The following KCNK2 variants were observed in gnomAD, a reference collection of about 807,000 sequenced individuals.
KCNK2 encodes the protein potassium two pore domain channel subfamily K member 2, also known as potassium channel subfamily K member 2.
Under a neutral mutation model 40.5 loss-of-function variants are expected in KCNK2, and 21 were observed. The observed-to-expected ratio is 0.52, with a 90% CI of 0.37 to 0.75. The LOEUF is 0.75. KCNK2 is among the 30% of genes least tolerant of loss of function. The pLI is 0.00. For missense variants in KCNK2, 399 were observed against 531.6 expected (o/e 0.75, Z 2.45); for synonymous variants, 191 against 202.2 (o/e 0.94, Z 0.47).
intron 1 of KCNK2, among the ~76,000 whole-genome samples, chr1:215,070,564 G>T (rs1298250769): frequency 2.0e-5 from 3 of 152,114 alleles, no homozygotes; most frequent in Non-Finnish European, 4.4e-5. Context: ...GAGAGCTTGT[G>T]CAGGGGAGCT....
intron 4 of KCNK2, 84 bp from the exon 5 acceptor site, chr1:215,171,913 T>C (rs973748801): frequency 7.7e-5 from 69 of 898,204 alleles, no homozygotes; most frequent in Admixed American, 3.3e-5. Flanking sequence ...TCTCTCTCTC[T>C]CTCTTTGTCT....
At chr1:215,077,202 G>A (rs1275699255) in intron 1 of KCNK2, among the ~76,000 whole-genome samples, 1 of 152,178 alleles carries the variant, frequency 6.6e-6, no homozygotes, top group Non-Finnish European at 1.5e-5. Flanking sequence ...TCAGGGATGA[G>A]TCTCATATAA....
At chr1:215,011,369 C>T (rs541275090) in intron 1 of KCNK2, among the ~76,000 whole-genome samples, 5 of 152,294 alleles carry the variant, frequency 3.3e-5, no homozygotes, top group Non-Finnish European at 7.3e-5. Flanking sequence ...CCTTGGCTCA[C>T]TGCATCCTCG....
chr1:215,121,734 GT>G (rs1661197579), intron 2 of KCNK2, among the ~76,000 whole-genome samples: 1 of 152,118 alleles, frequency 6.6e-6, no homozygotes, highest in Admixed American at 6.5e-5. Context: ...AAATACACCT[GT>G]TTTCTATTAA....
At chr1:215,046,984 A>G (rs915444144) in intron 1 of KCNK2, among the ~76,000 whole-genome samples, 1 of 152,132 alleles carries the variant, frequency 6.6e-6, no homozygotes, top group Non-Finnish European at 1.5e-5. Context: ...TCTAGAAACT[A>G]TCTAAGATGA....
intron 6 of KCNK2, among the ~76,000 whole-genome samples, chr1:215,230,233 A>G (rs897822824): frequency 2.0e-5 from 3 of 150,138 alleles, no homozygotes; most frequent in South Asian, 2.1e-4. Context: ...ACAAACCTAC[A>G]TGGTATAGCC....
At chr1:215,080,542 G>A (rs938467326), upstream of KCNK2, among the ~76,000 whole-genome samples, 1 of 152,148 alleles carries the variant, frequency 6.6e-6, no homozygotes, top group Non-Finnish European at 1.5e-5. Flanking sequence ...TATTTAGTAG[G>A]AATAACGATT....
chr1:215,139,301 A>T (rs1014655268), intron 3 of KCNK2, among the ~76,000 whole-genome samples: 4 of 152,184 alleles, frequency 2.6e-5, no homozygotes, highest in African/African-American at 7.2e-5. Flanking sequence ...TTCCTTTGTT[A>T]TACAAGTGAA....
intron 3 of KCNK2, among the ~76,000 whole-genome samples, chr1:215,157,711 A>T (rs1662994882): frequency 6.6e-6 from 1 of 152,238 alleles, no homozygotes; most frequent in Admixed American, 6.5e-5. Flanking sequence ...GGAAAGGATC[A>T]GGAGTCCAGA....
intron 2 of KCNK2, among the ~76,000 whole-genome samples, chr1:215,110,427 G>A (rs1411992002): frequency 6.6e-6 from 1 of 151,650 alleles, no homozygotes; most frequent in African/African-American, 2.4e-5. Flanking sequence ...CCTCTTTTTG[G>A]TGTGTATATC....
At chr1:215,169,856 G>T (rs1008642972) in intron 4 of KCNK2, among the ~76,000 whole-genome samples, 1 of 152,024 alleles carries the variant, frequency 6.6e-6, no homozygotes, top group African/African-American at 2.4e-5. Flanking sequence ...ATGTTGGCCA[G>T]GTTGATCTTG....
intron 6 of KCNK2, among the ~76,000 whole-genome samples, chr1:215,217,394 A>G (rs904718666): frequency 2.6e-5 from 4 of 152,214 alleles, no homozygotes; most frequent in African/African-American, 9.6e-5. Context: ...TATGATAAAG[A>G]TATTATTAAA....
chr1:215,196,317 C>A (rs1456962241), intron 6 of KCNK2, among the ~76,000 whole-genome samples: 1 of 151,992 alleles, frequency 6.6e-6, no homozygotes, highest in Non-Finnish European at 1.5e-5. Context: ...AACTCCTGAC[C>A]TTCAAGTGAT....
At chr1:215,007,037 A>ATATATG (rs1330420661) in intron 1 of KCNK2, among the ~76,000 whole-genome samples, 17 of 51,590 alleles carry the variant, frequency 3.3e-4, no homozygotes, top group African/African-American at 5.6e-4. Context: ...ATATATATAT[A>ATATATG]TGTGTGTGTG....
At chr1:215,224,635 A>G (rs1666311068) in intron 6 of KCNK2, among the ~76,000 whole-genome samples, 1 of 152,172 alleles carries the variant, frequency 6.6e-6, no homozygotes, top group Admixed American at 6.5e-5. Context: ...AACTACTCAA[A>G]TGACCTGGAG....
At chr1:215,116,615 T>C (rs1305576799) in intron 2 of KCNK2, among the ~76,000 whole-genome samples, 1 of 152,098 alleles carries the variant, frequency 6.6e-6, no homozygotes, top group Non-Finnish European at 1.5e-5. Context: ...TGACACTCGA[T>C]TGCATAATCC....
intron 3 of KCNK2, among the ~76,000 whole-genome samples, chr1:215,161,761 C>CT (rs1663206335): frequency 6.6e-6 from 1 of 152,068 alleles, no homozygotes; most frequent in Non-Finnish European, 1.5e-5. Context: ...AGAACTCATC[C>CT]TTTTTTATGG....
chr1:215,158,988 G>A (rs1392750699), intron 3 of KCNK2, among the ~76,000 whole-genome samples: 1 of 152,064 alleles, frequency 6.6e-6, no homozygotes, highest in African/African-American at 2.4e-5. Context: ...CTTGGATCAT[G>A]TACAGAAATG....
intron 3 of KCNK2, among the ~76,000 whole-genome samples, chr1:215,160,794 G>A (rs1209885252): frequency 6.6e-6 from 1 of 151,964 alleles, no homozygotes; most frequent in Non-Finnish European, 1.5e-5. Flanking sequence ...CATTCCTCCT[G>A]GTTGTTTTAT....
Sources: gnomAD v4.1 joint callset for allele counts (sites outside exome capture counted in the v4.1 genomes callset) on GRCh38, gnomAD v4.1.1 for gene constraint, MANE v1.5 for transcripts, NCBI Gene and HGNC (gene_info 2026-07-23, HGNC 2026-07-21) for gene names.